The following KCNK9 variants were observed in gnomAD, a reference collection of about 807,000 sequenced individuals.
The protein encoded by KCNK9 is potassium channel subfamily K member 9.
Under a neutral mutation model 10.8 loss-of-function variants are expected in KCNK9, and 1 was observed. That is an observed-to-expected ratio of 0.09 (90% CI 0.03 to 0.44). The LOEUF is 0.44. KCNK9 is among the 20% of genes least tolerant of loss of function. The pLI is 0.97. For synonymous variants in KCNK9, 231 were observed against 222.7 expected (o/e 1.04, Z -0.33); for missense variants, 303 against 515.0 (o/e 0.59, Z 3.98).
intron 1 of KCNK9, among the ~76,000 whole-genome samples, chr8:139,660,041 T>C (rs16911143): frequency 0.068 from 10,286 of 152,210 alleles, 848 homozygotes; most frequent in African/African-American, 0.2. Flanking sequence ...CACCTTCATA[T>C]TCTGTCTTCA....
At chr8:139,689,707 A>G (rs1816895387) in intron 1 of KCNK9, among the ~76,000 whole-genome samples, 1 of 144,908 alleles carries the variant, frequency 6.9e-6, no homozygotes, top group Admixed American at 7.1e-5. Context: ...CAGTGGCGTG[A>G]TCTCGACTCA....
intron 1 of KCNK9, among the ~76,000 whole-genome samples, chr8:139,648,990 A>G (rs1275494097): frequency 1.3e-5 from 2 of 152,218 alleles, no homozygotes; most frequent in East Asian, 1.9e-4. Context: ...GTTGATTTTC[A>G]TAATTCATTT....
At chr8:139,619,243 G>C in intron 1 of KCNK9, 144 bp from the exon 2 acceptor site, 1 of 898,528 alleles carries the variant, frequency 1.1e-6, no homozygotes, top group Non-Finnish European at 1.7e-6. Context: ...GTAGAGGGGC[G>C]TGGCCATATA....
At chr8:139,613,233 T>C (rs1353789138), downstream of KCNK9, among the ~76,000 whole-genome samples, 2 of 152,132 alleles carry the variant, frequency 1.3e-5, no homozygotes, top group Non-Finnish European at 1.5e-5. Flanking sequence ...TGGCAAAGTA[T>C]TGAGGCTGGG....
chr8:139,660,137 C>T (rs564664682), intron 1 of KCNK9, among the ~76,000 whole-genome samples: 28 of 152,140 alleles, frequency 1.8e-4, no homozygotes, highest in African/African-American at 2.4e-4. Flanking sequence ...TCTGTGACCT[C>T]GGGCACATTT....
At chr8:139,696,036 C>G (rs1817042650) in intron 1 of KCNK9, among the ~76,000 whole-genome samples, 1 of 152,188 alleles carries the variant, frequency 6.6e-6, no homozygotes, top group South Asian at 2.1e-4. Context: ...AAATGTACAT[C>G]TGCTGGGTCC....
intron 1 of KCNK9, among the ~76,000 whole-genome samples, chr8:139,683,797 A>G (rs1563750415): frequency 6.6e-6 from 1 of 152,194 alleles, no homozygotes; most frequent in Non-Finnish European, 1.5e-5. Context: ...TAAGGCAGGC[A>G]TGATATGGGA....
chr8:139,632,660 T>C (rs1041869189), intron 1 of KCNK9, among the ~76,000 whole-genome samples: 3 of 152,116 alleles, frequency 2.0e-5, no homozygotes, highest in African/African-American at 7.2e-5. Flanking sequence ...TGTTTCTCTC[T>C]CCCTGCTCCC....
chr8:139,702,996 C>A lies in KCNK9; in HGVS notation c.-4G>T, dbSNP rs752036751. On this transcript the variant is annotated 5_prime_UTR_variant, in exon 1 of 2. Coordinates refer to ENST00000520439, the MANE Select transcript of KCNK9 (RefSeq NM_001282534.2). The surrounding 1 kb of genome is among the most constrained non-coding windows in gnomAD (Gnocchi z 7.5). ...TCCGCACGTTCTGCCTCTTCATGGC[C>A]GCCAGCAAGGAGCCGGCGCGGGGGG... 6.4e-7 allele frequency: 1 copy of A among 1,564,418 alleles called. No individual in the cohort carries two copies. Among genetic ancestry groups the A allele is most frequent in the East Asian group, 2.4e-5 (1 of 41,600 alleles).
intron 1 of KCNK9, among the ~76,000 whole-genome samples, chr8:139,670,888 A>G (rs1816411293): frequency 6.6e-6 from 1 of 152,174 alleles, no homozygotes. Flanking sequence ...CAGCTCTAGG[A>G]TTTGATGACC....
intron 1 of KCNK9, among the ~76,000 whole-genome samples, chr8:139,669,806 TC>T (rs1816385439): frequency 6.6e-6 from 1 of 150,430 alleles, no homozygotes; most frequent in Non-Finnish European, 1.5e-5. Context: ...CCGAGATCCA[TC>T]ACAGAAATCT....
intron 1 of KCNK9, among the ~76,000 whole-genome samples, chr8:139,636,226 T>C (rs1434776940): frequency 6.6e-6 from 1 of 152,252 alleles, no homozygotes; most frequent in Non-Finnish European, 1.5e-5. Flanking sequence ...GCTGTCATTC[T>C]CCTGGATGAA....
At chr8:139,671,027 T>A (rs2129733326) in intron 1 of KCNK9, among the ~76,000 whole-genome samples, 1 of 152,342 alleles carries the variant, frequency 6.6e-6, no homozygotes, top group East Asian at 1.9e-4. Flanking sequence ...CTGTTCTACA[T>A]CCTACTCCTC....
At chr8:139,679,828 T>A (rs1235528074) in intron 1 of KCNK9, among the ~76,000 whole-genome samples, 1 of 152,176 alleles carries the variant, frequency 6.6e-6, no homozygotes, top group African/African-American at 2.4e-5. Context: ...TCACCCGCCC[T>A]TCCTGTGATC....
At chr8:139,628,141 G>T (rs1426357684) in intron 1 of KCNK9, among the ~76,000 whole-genome samples, 5 of 152,242 alleles carry the variant, frequency 3.3e-5, no homozygotes, top group Non-Finnish European at 5.9e-5. Context: ...AAGAGAGCTG[G>T]GGTTGTAGGG....
intron 1 of KCNK9, among the ~76,000 whole-genome samples, chr8:139,687,580 G>T (rs1462854528): frequency 1.4e-5 from 1 of 69,388 alleles, no homozygotes; most frequent in African/African-American, 5.1e-5. Context: ...TCATATATAT[G>T]TATACATATA....
intron 1 of KCNK9, among the ~76,000 whole-genome samples, chr8:139,661,371 C>A (rs183944972): frequency 3.6e-4 from 55 of 152,322 alleles, no homozygotes; most frequent in African/African-American, 1.3e-3. Flanking sequence ...CAGGCTCAGA[C>A]CCCCAGCACC....
intron 1 of KCNK9, among the ~76,000 whole-genome samples, chr8:139,639,044 C>G (rs761380805): frequency 7.2e-5 from 11 of 152,048 alleles, no homozygotes; most frequent in Admixed American, 7.2e-4. Context: ...ACCGCCAGGC[C>G]GTAGCCAACC....
intron 1 of KCNK9, among the ~76,000 whole-genome samples, chr8:139,625,435 C>T (rs1435484304): frequency 6.6e-6 from 1 of 152,232 alleles, no homozygotes; most frequent in African/African-American, 2.4e-5. Context: ...GAGCCCACTC[C>T]TGACTCAGCT....
Sources: gnomAD v4.1 joint callset for allele counts (sites outside exome capture counted in the v4.1 genomes callset) on GRCh38, gnomAD v4.1.1 for gene constraint, Gnocchi (gnomAD v3.1) non-coding constraint, MANE v1.5 for transcripts, NCBI Gene and HGNC (gene_info 2026-07-23, HGNC 2026-07-21) for gene names.